The following ATP8A1 variants were observed in gnomAD, a reference collection of about 807,000 sequenced individuals.
ATP8A1 encodes the protein ATPase phospholipid transporting 8A1.
A neutral mutation model predicts 177.7 loss-of-function variants in ATP8A1; 90 were observed. The ratio of observed to expected loss-of-function variants is 0.51; its 90% confidence interval spans 0.43 to 0.60. The LOEUF (loss-of-function observed/expected upper bound fraction) is 0.60. Among genes scored for constraint, ATP8A1 ranks in the 20% least tolerant of loss-of-function variants. ATP8A1 has a pLI of 0.00. For synonymous variants in ATP8A1, 493 were observed against 485.9 expected (o/e 1.01, Z -0.19); for missense variants, 1,072 against 1,392.8 (o/e 0.77, Z 3.67).
At chr4:42,600,973 T>G (rs1735188369) in intron 5 of ATP8A1, among the ~76,000 whole-genome samples, 1 of 146,538 alleles carries the variant, frequency 6.8e-6, no homozygotes, top group South Asian at 2.1e-4. Context: ...TTTGTACCTT[T>G]AGGTTTATAT....
intron 27 of ATP8A1, among the ~76,000 whole-genome samples, chr4:42,460,514 A>C (rs540330530): frequency 1.3e-5 from 2 of 151,098 alleles, no homozygotes; most frequent in Middle Eastern, 3.4e-3. Flanking sequence ...CAGCCTCCTA[A>C]GTAGCTGGGA....
chr4:42,514,201 T>C (rs1229338881), intron 22 of ATP8A1, among the ~76,000 whole-genome samples: 2 of 152,144 alleles, frequency 1.3e-5, no homozygotes, highest in Admixed American at 6.5e-5. Context: ...AGAAATCACA[T>C]TTGAACTCAC....
chr4:42,488,746 A>G (rs146902367), intron 24 of ATP8A1, among the ~76,000 whole-genome samples: 57 of 152,146 alleles, frequency 3.7e-4, no homozygotes, highest in African/African-American at 1.2e-3. Context: ...CCTCCTCTCC[A>G]GAGGATCATC....
At chr4:42,451,553 A>G (rs1316247248) in intron 30 of ATP8A1, among the ~76,000 whole-genome samples, 1 of 152,236 alleles carries the variant, frequency 6.6e-6, no homozygotes, top group African/African-American at 2.4e-5. Flanking sequence ...ACATAAAAAC[A>G]TATTAAAAAC....
Position 42,455,385 on chromosome 4 carries a change from A to G in ATP8A1, c.2729T>C (p.Ile910Thr). ...CTCTTTTCTGCATGATCTCTCAAAT[A>G]TTCCAAGAGTTAAAGGAGGCATTGC... ...FTAMPPLTLG[I>T]FERSCRKENM... The change falls in exon 29 of 37, where the codon ATA becomes ACA. Residue 910 changes from isoleucine to threonine, a missense_variant. By Grantham distance (89) the Ile-to-Thr change is moderately conservative. Coordinates refer to ENST00000381668, the MANE Select transcript of ATP8A1 (RefSeq NM_006095.2). The G allele has an allele frequency of 6.2e-7, 1 of 1,613,952 alleles. No individual in the cohort carries two copies. Among genetic ancestry groups the G allele is most frequent in the Admixed American group, 1.7e-5 (1 of 60,008 alleles).
chr4:42,626,631 C>A (rs1870610), intron 2 of ATP8A1: 53,895 of 233,960 alleles, frequency 0.23, 7,263 homozygotes, highest in Non-Finnish European at 0.28. Flanking sequence ...AGAAGGAATT[C>A]TTGGTGCAGA....
chr4:42,632,724 T>TGAGC (rs1477813187), intron 1 of ATP8A1, among the ~76,000 whole-genome samples: 1 of 152,358 alleles, frequency 6.6e-6, no homozygotes. Context: ...GACTCTGAAG[T>TGAGC]GAGCAAGTGC....
chr4:42,446,441 G>A, intron 31 of ATP8A1, 142 bp downstream of exon 31: 1 of 661,812 alleles, frequency 1.5e-6, no homozygotes. Context: ...ATAAGCCCTG[G>A]GTCTTACTTA....
At chr4:42,597,275 T>G (rs532581983) in intron 6 of ATP8A1, among the ~76,000 whole-genome samples, 2 of 152,344 alleles carry the variant, frequency 1.3e-5, no homozygotes, top group Non-Finnish European at 2.9e-5. Flanking sequence ...TTTATTGATT[T>G]TATTTTTAAT....
At chr4:42,465,418 G>A (rs1018570950) in intron 25 of ATP8A1, among the ~76,000 whole-genome samples, 1 of 152,150 alleles carries the variant, frequency 6.6e-6, no homozygotes, top group Non-Finnish European at 1.5e-5. Context: ...TGTCATAAAT[G>A]CTGCCAAACA....
At chr4:42,457,497 T>C (rs1026826175) in intron 27 of ATP8A1, among the ~76,000 whole-genome samples, 2 of 152,222 alleles carry the variant, frequency 1.3e-5, no homozygotes, top group Admixed American at 1.3e-4. Context: ...CTCTCTAATC[T>C]ATGAAGACAC....
chr4:42,590,293 C>T (rs544634410), intron 7 of ATP8A1, among the ~76,000 whole-genome samples: 44 of 152,274 alleles, frequency 2.9e-4, no homozygotes, highest in Non-Finnish European at 6.0e-4. Flanking sequence ...CAACATCCAG[C>T]TTTGTGCAGG....
chr4:42,638,800 C>T (rs749827530), intron 1 of ATP8A1, among the ~76,000 whole-genome samples: 22 of 152,078 alleles, frequency 1.4e-4, no homozygotes, highest in Non-Finnish European at 2.6e-4. Flanking sequence ...CAGACATCTA[C>T]CAAGCATCTC....
intron 25 of ATP8A1, among the ~76,000 whole-genome samples, chr4:42,482,314 A>AAAACAAAC (rs1321309060): frequency 7.9e-6 from 1 of 126,572 alleles, no homozygotes; most frequent in Admixed American, 8.3e-5. Flanking sequence ...CAAAAACAAA[A>AAAACAAAC]AAACAAACAA....
chr4:42,455,650 C>T, intron 27 of ATP8A1, 51 bp from the exon 28 acceptor site: 1 of 1,535,676 alleles, frequency 6.5e-7, no homozygotes, highest in Non-Finnish European at 8.9e-7. Flanking sequence ...AGCATAAATG[C>T]ATTGCTTAGA....
Position 42,511,348 on chromosome 4 carries a change from G to A in ATP8A1, c.1948-4194C>T, listed in dbSNP as rs75706522. On this transcript the variant is annotated intron_variant, in intron 22 of 36. Transcript: ENST00000381668. ...TCCCAAATATGTATTACCTTACACA[G>A]ATGGCCACTAATGGGCACTAGGGGA... Among the ~76,000 whole-genome samples the A allele has an allele frequency of 4.1e-3, 617 of 152,250 alleles. 9 individuals are homozygous for A. The highest frequency in any genetic ancestry group is 0.014 in the African/African-American group (568 of 41,548).
At chr4:42,616,652 C>G (rs1441076570) in intron 4 of ATP8A1, among the ~76,000 whole-genome samples, 1 of 152,154 alleles carries the variant, frequency 6.6e-6, no homozygotes, top group Non-Finnish European at 1.5e-5. Context: ...TTCCCTCCTC[C>G]CACCACTTGC....
At chr4:42,505,221 C>T (rs1482377983) in intron 23 of ATP8A1, among the ~76,000 whole-genome samples, 1 of 152,196 alleles carries the variant, frequency 6.6e-6, no homozygotes, top group Non-Finnish European at 1.5e-5. Context: ...TTAACCAGTA[C>T]CTGGCACTGT....
At chr4:42,636,156 A>ACACACACACGCGCGTGCG (rs565139270) in intron 1 of ATP8A1, among the ~76,000 whole-genome samples, 2 of 90,898 alleles carry the variant, frequency 2.2e-5, no homozygotes, top group African/African-American at 6.6e-5. Context: ...ACACACACAC[A>ACACACACACGCGCGTGCG]CGCACACACA....
Sources: allele counts gnomAD v4.1 joint callset (sites outside exome capture counted in the v4.1 genomes callset), GRCh38; gene constraint gnomAD v4.1.1; transcripts MANE v1.5; gene names NCBI Gene and HGNC (gene_info 2026-07-23, HGNC 2026-07-21).